The following PTPRQ variants were observed in gnomAD, a reference collection of about 807,000 sequenced individuals.
PTPRQ encodes the protein protein tyrosine phosphatase receptor type Q, also known as phosphatidylinositol phosphatase PTPRQ.
Under a neutral mutation model 246.0 loss-of-function variants are expected in PTPRQ, and 199 were observed. The observed-to-expected ratio is 0.81, with a 90% CI of 0.72 to 0.91. The LOEUF (loss-of-function observed/expected upper bound fraction) is 0.91. Ranked by LOEUF, PTPRQ falls within the 40% of genes least tolerant of loss-of-function variation. The probability of loss-of-function intolerance (pLI) is 0.00; values close to 1 mark genes in which losing one functional copy is unlikely to be tolerated. For synonymous variants in PTPRQ, 869 were observed against 853.2 expected, an observed-to-expected ratio of 1.02 and a Z score of -0.32; for missense variants, 2,624 against 2,528.4, an observed-to-expected ratio of 1.04 and a Z score of -0.81.
chr12:80,484,582 A>T lies in PTPRQ; in HGVS notation c.1336A>T (p.Thr446Ser). Residue 446 changes from threonine to serine, a missense_variant, in exon 9 of 45, where the codon ACT becomes TCT. By Grantham distance (58) the Thr-to-Ser change is moderately conservative. Transcript: ENST00000644991. ...VPETGIILENTLLTGNNEYIN... is the reference protein window; with the variant it reads ...VPETGIILENSLLTGNNEYIN... Reference sequence around the variant, plus strand: ...AGAGACAGGAATAATTTTGGAAAATACTTTGCTCACTGGAAATAATGAGGT... The same window carrying T: ...AGAGACAGGAATAATTTTGGAAAATTCTTTGCTCACTGGAAATAATGAGGT... 6.5e-7 allele frequency: 1 copy of T among 1,550,138 alleles called. No individual in the cohort carries two copies. Among genetic ancestry groups the T allele is most frequent in the Non-Finnish European group, 8.7e-7 (1 of 1,146,590 alleles).
intron 14 of PTPRQ, 115 bp downstream of exon 14, chr12:80,496,646 T>A: frequency 7.7e-7 from 1 of 1,298,362 alleles, no homozygotes. Context: ...TTATTTTGTT[T>A]TATATAATCC....
intron 6 of PTPRQ, among the ~76,000 whole-genome samples, chr12:80,461,603 G>A (rs1315102882): frequency 6.7e-6 from 1 of 150,048 alleles, no homozygotes; most frequent in Non-Finnish European, 1.5e-5. Flanking sequence ...ATTACATAAG[G>A]TATTTATTAT....
Position 80,608,734 on chromosome 12 carries a change from A to G in PTPRQ, c.4732-1705A>G, listed in dbSNP as rs113676582. 2.0e-3 allele frequency among the ~76,000 whole-genome samples: 296 copies of G among 150,534 alleles called. 3 individuals are homozygous for G. The highest frequency in any genetic ancestry group is 7.0e-3 in the African/African-American group (289 of 41,340). The stretch of plus-strand genomic sequence containing the variant: ...GAAGTCACCTTACCTCTATAAAATC[A>G]GAATTCAAATAGCTATAAAAGACAA... On this transcript the variant is annotated intron_variant, in intron 27 of 44. Transcript: ENST00000644991.
At chr12:80,479,984 G>C (rs1391655387) in intron 8 of PTPRQ, among the ~76,000 whole-genome samples, 1 of 151,790 alleles carries the variant, frequency 6.6e-6, no homozygotes, top group Admixed American at 6.6e-5. Flanking sequence ...AGTCAACAAG[G>C]ATACCCAGGA....
chr12:80,603,018 C>CAT (rs1898194234), intron 26 of PTPRQ, among the ~76,000 whole-genome samples: 1 of 151,684 alleles, frequency 6.6e-6, no homozygotes, highest in African/African-American at 2.4e-5. Context: ...CATCTCCTAC[C>CAT]ATAGTCTTAC....
intron 37 of PTPRQ, among the ~76,000 whole-genome samples, chr12:80,651,527 A>C (rs979308483): frequency 2.6e-5 from 4 of 151,960 alleles, no homozygotes; most frequent in African/African-American, 7.2e-5. Flanking sequence ...AAAAGAGAGA[A>C]AGCAATAGGA....
chr12:80,498,542 G>A (rs1418299800), intron 14 of PTPRQ, among the ~76,000 whole-genome samples: 2 of 152,080 alleles, frequency 1.3e-5, no homozygotes, highest in African/African-American at 4.8e-5. Context: ...GCTGGAAAGT[G>A]ATGAGCTGGA....
At chr12:80,524,997 A>C (rs1895638713) in intron 17 of PTPRQ, among the ~76,000 whole-genome samples, 1 of 152,192 alleles carries the variant, frequency 6.6e-6, no homozygotes, top group African/African-American at 2.4e-5. Flanking sequence ...AGTTTAAGTA[A>C]GCTTATTGCA....
chr12:80,529,086 T>G (rs1050736936), intron 17 of PTPRQ, among the ~76,000 whole-genome samples: 2 of 152,182 alleles, frequency 1.3e-5, no homozygotes, highest in Non-Finnish European at 2.9e-5. Context: ...GCCTTGCTAG[T>G]TTGGGATTAT....
At chr12:80,506,422 A>T (rs535379683) in intron 15 of PTPRQ, 147 bp from the exon 16 acceptor site, 3 of 812,694 alleles carry the variant, frequency 3.7e-6, no homozygotes, top group Non-Finnish European at 5.6e-6. Context: ...GTCTTCATAA[A>T]TAAGAGCTAC....
Position 80,649,605 on chromosome 12 carries a change from C to T in PTPRQ, c.5960C>T (p.Ser1987Phe). 1 of 1,549,592 alleles carries T rather than the reference C, an allele frequency of 6.5e-7. No homozygotes were observed. Among genetic ancestry groups the T allele is most frequent in the Non-Finnish European group, 8.7e-7 (1 of 1,145,704 alleles). ...ACTTGGAGGCCAATAAGCAAGAAAT[C>T]CTTCCTGCAACATGTTGAAGAGCTT... ...RKSIKPISKK[S>F]FLQHVEELCT... is the part of the protein sequence containing the mutation. Residue 1987 changes from serine to phenylalanine, a missense_variant, in exon 37 of 45, where the codon TCC becomes TTC. Coordinates refer to ENST00000644991, the MANE Select transcript of PTPRQ (RefSeq NM_001145026.2).
intron 25 of PTPRQ, among the ~76,000 whole-genome samples, chr12:80,560,164 C>A (rs1043459049): frequency 1.3e-5 from 2 of 152,288 alleles, no homozygotes; most frequent in East Asian, 1.9e-4. Context: ...TGCTATACTT[C>A]CCAGGAAACC....
At chr12:80,511,616 T>C (rs1226114783) in intron 17 of PTPRQ, among the ~76,000 whole-genome samples, 2 of 152,198 alleles carry the variant, frequency 1.3e-5, no homozygotes, top group Non-Finnish European at 2.9e-5. Context: ...TTTGATGGGA[T>C]GCTTCAGGAA....
chr12:80,634,864 T>C, intron 34 of PTPRQ, 81 bp from the exon 35 acceptor site: 1 of 1,505,126 alleles, frequency 6.6e-7, no homozygotes, highest in South Asian at 1.3e-5. Context: ...ACTAAATGTC[T>C]TTACTTAAAA....
At chr12:80,523,873 T>A (rs550171855) in intron 17 of PTPRQ, among the ~76,000 whole-genome samples, 1 of 152,236 alleles carries the variant, frequency 6.6e-6, no homozygotes, top group Non-Finnish European at 1.5e-5. Flanking sequence ...TGTAGATGTC[T>A]ATTAGGTCTG....
intron 35 of PTPRQ, among the ~76,000 whole-genome samples, chr12:80,639,740 T>G (rs1899787465): frequency 6.6e-6 from 1 of 152,180 alleles, no homozygotes; most frequent in Non-Finnish European, 1.5e-5. Context: ...GTTACTATTG[T>G]GATTTATATT....
chr12:80,578,761 A>C (rs922100947), intron 25 of PTPRQ, among the ~76,000 whole-genome samples: 2 of 152,300 alleles, frequency 1.3e-5, no homozygotes, highest in Non-Finnish European at 1.5e-5. Flanking sequence ...ATTGCTTATT[A>C]AATTATGGTA....
At chr12:80,509,015 A>G (rs1321221163) in intron 16 of PTPRQ, among the ~76,000 whole-genome samples, 1 of 152,062 alleles carries the variant, frequency 6.6e-6, no homozygotes, top group Non-Finnish European at 1.5e-5. Context: ...AAAAATATTT[A>G]TAGGTATTTG....
chr12:80,506,950 A>G (rs1310677041), intron 16 of PTPRQ, among the ~76,000 whole-genome samples: 1 of 152,028 alleles, frequency 6.6e-6, no homozygotes, highest in Non-Finnish European at 1.5e-5. Context: ...TCAAGGCTTA[A>G]AATTTGGTTT....
Sources: allele counts gnomAD v4.1 joint callset (sites outside exome capture counted in the v4.1 genomes callset), GRCh38; gene constraint gnomAD v4.1.1; transcripts MANE v1.5; gene names NCBI Gene and HGNC (gene_info 2026-07-23, HGNC 2026-07-21).